Variants in GRM1 observed in about 807,000 individuals in gnomAD.
GRM1 encodes the protein glutamate metabotropic receptor 1.
A neutral mutation model predicts 90.9 loss-of-function variants in GRM1; 33 were observed. That is an observed-to-expected ratio of 0.36 (90% CI 0.28 to 0.49). The LOEUF (loss-of-function observed/expected upper bound fraction) is 0.49. Among genes scored for constraint, GRM1 ranks in the 20% least tolerant of loss-of-function variants. The pLI, the probability that GRM1 is intolerant of heterozygous loss-of-function variation, is 0.99. For synonymous variants in GRM1, 700 were observed against 613.2 expected (o/e 1.14, Z -2.09); for missense variants, 1,190 against 1,534.3 (o/e 0.78, Z 3.75).
At position 146,434,423 on chromosome 6, in the gene GRM1, C is replaced by A. The variant is rs149072960; in HGVS notation, c.3212C>A (p.Pro1071His). 13 of 1,613,684 alleles carry A rather than the reference C, an allele frequency of 8.1e-6. No homozygotes were observed. The African/African-American group carries it at 1.2e-4, about 15-fold the overall frequency. ...CGGTCCCTGTACCCGCCCCCGCCAC[C>A]TCCGCAGCACCTGCAGATGCTGCCG... is the stretch of plus-strand genomic sequence containing the variant. ...GLRSLYPPPP[P>H]PQHLQMLPLQ... Residue 1071 changes from proline (P) to histidine (H), a missense_variant, in exon 8 of 8, where the codon CCT (proline) becomes CAT (histidine). Pro to His is a moderately conservative substitution (Grantham distance 77). Coordinates refer to ENST00000282753, the MANE Select transcript of GRM1 (RefSeq NM_001278064.2).
At chr6:146,157,348 A>C (rs1326678004) in intron 1 of GRM1, among the ~76,000 whole-genome samples, 1 of 152,186 alleles carries the variant, frequency 6.6e-6, no homozygotes, top group African/African-American at 2.4e-5. Flanking sequence ...GGAAACAGGG[A>C]GATTATTGCT....
At chr6:146,062,991 T>C (rs1775726829) in intron 1 of GRM1, among the ~76,000 whole-genome samples, 1 of 152,202 alleles carries the variant, frequency 6.6e-6, no homozygotes, top group Non-Finnish European at 1.5e-5. Context: ...TTGCAGGCTA[T>C]TTTTTCTTTT....
intron 1 of GRM1, among the ~76,000 whole-genome samples, chr6:146,088,680 A>C (rs1299824280): frequency 6.6e-6 from 1 of 152,120 alleles, no homozygotes; most frequent in Non-Finnish European, 1.5e-5. Flanking sequence ...ACTGAACTGT[A>C]AGAAATTACT....
chr6:146,260,846 G>T (rs1781671654), intron 2 of GRM1, among the ~76,000 whole-genome samples: 1 of 90,302 alleles, frequency 1.1e-5, no homozygotes, highest in Admixed American at 1.2e-4. Flanking sequence ...TTGCAATTGA[G>T]GTGTAGGAGT....
chr6:146,136,849 C>CTTTTTTT (rs57774648), intron 1 of GRM1, among the ~76,000 whole-genome samples: 11 of 90,962 alleles, frequency 1.2e-4, no homozygotes, highest in Non-Finnish European at 1.5e-4. Flanking sequence ...TGTACAGAAG[C>CTTTTTTT]TTTTTTTTTT....
At chr6:146,299,607 A>G (rs1204263298) in intron 2 of GRM1, among the ~76,000 whole-genome samples, 2 of 152,202 alleles carry the variant, frequency 1.3e-5, no homozygotes, top group African/African-American at 2.4e-5. Context: ...TCCCAACAAT[A>G]CATGGCCTCC....
chr6:146,208,050 C>A (rs1477621823), intron 2 of GRM1, among the ~76,000 whole-genome samples: 1 of 152,142 alleles, frequency 6.6e-6, no homozygotes, highest in Non-Finnish European at 1.5e-5. Flanking sequence ...TCATCTTTCT[C>A]TGACTTCTCT....
chr6:146,031,093 G>T (rs552336159), intron 1 of GRM1, among the ~76,000 whole-genome samples: 2 of 152,210 alleles, frequency 1.3e-5, no homozygotes, highest in East Asian at 3.9e-4. Context: ...TAAAAGCTTT[G>T]ATTTTTCCAG....
intron 6 of GRM1, among the ~76,000 whole-genome samples, chr6:146,396,148 C>T (rs960079741): frequency 1.3e-5 from 2 of 150,998 alleles, no homozygotes; most frequent in Non-Finnish European, 3.0e-5. Context: ...TCTGTCTTGC[C>T]TGCATTGGGA....
Position 146,435,035 on chromosome 6 carries a change from G to A in GRM1, c.*239G>A, listed in dbSNP as rs1448238316. 1 of 597,830 alleles carries A rather than the reference G, an allele frequency of 1.7e-6. No homozygotes were observed. The highest frequency in any genetic ancestry group is 3.0e-6 in the Non-Finnish European group (1 of 335,724). 37.0% of individuals were successfully genotyped at this position (597,830 alleles called of 1,614,324 possible). A position where few individuals can be genotyped will look rare whatever the true frequency, so the allele number is the denominator to read the frequency against. On this transcript the variant is annotated 3_prime_UTR_variant, in exon 8 of 8. Coordinates refer to ENST00000282753, the MANE Select transcript of GRM1 (RefSeq NM_001278064.2). The stretch of plus-strand genomic sequence containing the variant: ...TCTTGAATTACTCGAAGCCTTCTCT[G>A]GGAAGAAAGGGAATTCTGACAAAGC...
intron 7 of GRM1, among the ~76,000 whole-genome samples, chr6:146,405,837 T>G (rs550776031): frequency 6.6e-6 from 1 of 152,178 alleles, no homozygotes; most frequent in Non-Finnish European, 1.5e-5. Flanking sequence ...ATAGATGAAT[T>G]TTGGGGAGAA....
chr6:146,300,278 A>G (rs374779694), intron 2 of GRM1, among the ~76,000 whole-genome samples: 29 of 152,322 alleles, frequency 1.9e-4, no homozygotes, highest in East Asian at 1.7e-3. Context: ...ATACTATTGT[A>G]TTTCTGTTTT....
rs1778522703 is a variant in GRM1, at chr6:146,434,395, C to T, written c.3184C>T (p.Leu1062=). 2.5e-6 allele frequency: 4 copies of T among 1,613,394 alleles called. No homozygotes were observed. The East Asian group carries it at 8.9e-5, about 36-fold the overall frequency. The change falls in exon 8 of 8, where the codon CTG becomes TTG. Residue 1062 remains leucine, a synonymous_variant. Coordinates refer to ENST00000282753, the MANE Select transcript of GRM1 (RefSeq NM_001278064.2). ...LAGPGGPGNG[L]RSLYPPPPPP... is the part of the protein sequence containing the mutation. ...AGGCCCCGGTGGTCCCGGGAACGGG[C>T]TGCGGTCCCTGTACCCGCCCCCGCC...
At chr6:146,372,247 A>G (rs1775931103) in intron 5 of GRM1, among the ~76,000 whole-genome samples, 2 of 152,168 alleles carry the variant, frequency 1.3e-5, no homozygotes, top group South Asian at 4.1e-4. Context: ...CCTGTTTGCC[A>G]TTTGTATGTC....
intron 2 of GRM1, among the ~76,000 whole-genome samples, chr6:146,297,112 C>T (rs1783203020): frequency 6.6e-6 from 1 of 152,026 alleles, no homozygotes; most frequent in South Asian, 2.1e-4. Flanking sequence ...CTTCTGTATT[C>T]AGGAGAATAT....
At chr6:146,257,206 A>T (rs1032628058) in intron 2 of GRM1, among the ~76,000 whole-genome samples, 1 of 152,152 alleles carries the variant, frequency 6.6e-6, no homozygotes, top group African/African-American at 2.4e-5. Flanking sequence ...ATAAGTGTAT[A>T]TATAGGCATC....
intron 7 of GRM1, among the ~76,000 whole-genome samples, chr6:146,423,501 A>T (rs1778080424): frequency 6.6e-6 from 1 of 151,596 alleles, no homozygotes; most frequent in Non-Finnish European, 1.5e-5. Flanking sequence ...ATCAGTAGTT[A>T]ATTAGGGTGT....
chr6:146,432,964 C>T (rs1778467147), intron 7 of GRM1, among the ~76,000 whole-genome samples: 1 of 152,196 alleles, frequency 6.6e-6, no homozygotes, highest in African/African-American at 2.4e-5. Context: ...GACTCTTCTT[C>T]ACCAAGGCTC....
chr6:146,433,052 T>C (rs1027524446), intron 7 of GRM1, among the ~76,000 whole-genome samples: 1 of 152,218 alleles, frequency 6.6e-6, no homozygotes, highest in East Asian at 1.9e-4. Flanking sequence ...CAAACTATCC[T>C]AAAGCAGGAT....
Sources: allele counts gnomAD v4.1 joint callset (sites outside exome capture counted in the v4.1 genomes callset), GRCh38; gene constraint gnomAD v4.1.1; transcripts MANE v1.5; gene names NCBI Gene and HGNC (gene_info 2026-07-23, HGNC 2026-07-21).